STAT6: variants seen among roughly 807,000 people sequenced by gnomAD.
The protein encoded by STAT6 is signal transducer and activator of transcription 6.
In STAT6, 45 loss-of-function variants were observed where a neutral mutation model predicts 106.3. The ratio of observed to expected loss-of-function variants is 0.42; its 90% confidence interval spans 0.33 to 0.54. STAT6 has a LOEUF of 0.54. Among genes scored for constraint, STAT6 ranks in the 20% least tolerant of loss-of-function variants. STAT6 has a pLI of 0.06. For missense variants in STAT6, 797 were observed against 1,062.2 expected (o/e 0.75, Z 3.47); for synonymous variants, 413 against 413.6 (o/e 1.00, Z 0.02).
rs1248250873 is a variant in STAT6 at position 57,100,658 on chromosome 12, AAG to A, written c.1513-570_1513-569del. Among the ~76,000 whole-genome samples the A allele has an allele frequency of 6.6e-3, 397 of 59,720 alleles. 4 individuals are homozygous for A. The highest frequency in any genetic ancestry group is 0.023 in the African/African-American group (367 of 15,656). 39.2% of individuals were successfully genotyped at this position (59,720 alleles called of 152,430 possible). On this transcript the variant is annotated intron_variant, in intron 13 of 21. Transcript: ENST00000300134. ...AGAAAGAGAAAGAAAGAAAGAAAGA[AAG>A]AAAGAAAGAAAGAAAGAAAGAAAGA...
intron 13 of STAT6, among the ~76,000 whole-genome samples, chr12:57,102,010 T>C (rs557732375): frequency 6.6e-6 from 1 of 152,298 alleles, no homozygotes; most frequent in East Asian, 1.9e-4. Flanking sequence ...ATCAGAGCTC[T>C]GTTTACACAC....
Position 57,106,232 on chromosome 12 carries a change from A to G in STAT6, c.639T>C (p.Asn213=). ...CCAGGCTCTCCTCAAACGGTGCGCC[A>G]TTCCCTGCCAGCTGCTGCTGCCGTT... is the stretch of plus-strand genomic sequence containing the variant. ...IWKRQQQLAG[N]GAPFEESLAP... is the part of the protein sequence containing the mutation. The change falls in exon 7 of 22, where the codon AAT becomes AAC. Residue 213 remains asparagine, a synonymous_variant. Transcript: ENST00000300134. The G allele has an allele frequency of 1.2e-6, 2 of 1,614,172 alleles. No individual in the cohort carries two copies. The highest frequency in any genetic ancestry group is 1.7e-5 in the Admixed American group (1 of 60,022).
At chr12:57,109,138 C>G (rs969261482) in intron 1 of STAT6, among the ~76,000 whole-genome samples, 4 of 152,042 alleles carry the variant, frequency 2.6e-5, no homozygotes, top group Non-Finnish European at 4.4e-5. Context: ...GGGGGCGGAG[C>G]TTGCAGTGAG....
intron 13 of STAT6, among the ~76,000 whole-genome samples, chr12:57,101,329 C>T (rs1168147534): frequency 3.3e-5 from 5 of 150,918 alleles, no homozygotes; most frequent in South Asian, 2.1e-4. Flanking sequence ...CCTTGTGATC[C>T]GCCCGCCTCA....
Position 57,096,587 on chromosome 12 carries a change from G to T in STAT6, c.2529C>A (p.Ala843=), listed in dbSNP as rs56300761. The stretch of plus-strand genomic sequence containing the variant: ...CCAGCTGGGATCACCAACTGGGGTT[G>T]GCCCTTAGGTCCATGTGGGACATTG... ...GISMSHMDLR[A]NPSW Residue 843 remains alanine, a synonymous_variant, in exon 22 of 22, where the codon GCC becomes GCA. Coordinates refer to ENST00000300134, the MANE Select transcript of STAT6 (RefSeq NM_003153.5). 4.7e-5 allele frequency: 75 copies of T among 1,595,986 alleles called. No homozygotes were observed. In the East Asian group the frequency reaches 1.6e-3, roughly 35 times the overall value.
intron 13 of STAT6, chr12:57,100,807 G>T (rs917732724): frequency 9.1e-6 from 4 of 441,848 alleles, no homozygotes; most frequent in African/African-American, 6.1e-5. Flanking sequence ...AAGAGCAAGA[G>T]TCAGAAATAT....
Position 57,099,609 on chromosome 12 carries a change from T to C in STAT6, c.1744+158A>G, listed in dbSNP as rs1323758249. On this transcript the variant is annotated intron_variant, in intron 15 of 21. Transcript: ENST00000300134. This position sits in a 1 kb window ranked among gnomAD's most constrained non-coding sequence, Gnocchi z 4.7. Reference sequence around the variant, plus strand: ...GTCTCCGTTCCCACAGAGCTCACAGTGAGAAGGTGAACATTTAGACCACAG... The same window carrying C: ...GTCTCCGTTCCCACAGAGCTCACAGCGAGAAGGTGAACATTTAGACCACAG... 5.3e-5 allele frequency among the ~76,000 whole-genome samples: 8 copies of C among 151,824 alleles called. No homozygotes were observed. Among genetic ancestry groups the C allele is most frequent in the Non-Finnish European group, 1.0e-4 (7 of 67,960 alleles).
intron 18 of STAT6, 92 bp downstream of exon 18, chr12:57,098,700 T>C (rs1206374374): frequency 3.2e-6 from 5 of 1,558,556 alleles, no homozygotes; most frequent in Non-Finnish European, 4.4e-6. Flanking sequence ...AGATTCCCTG[T>C]TCAGCCCCCA....
chr12:57,096,824 G>C (rs748570794), intron 21 of STAT6, 26 bp downstream of exon 21: 2 of 1,613,928 alleles, frequency 1.2e-6, no homozygotes, highest in Admixed American at 3.3e-5. Flanking sequence ...ATGCCACCCA[G>C]CCTCCACTCC....
intron 13 of STAT6, chr12:57,100,700 GAGAAAGAAAGAAAGAA>G (rs56962899): frequency 0.073 from 4,674 of 63,686 alleles, 380 homozygotes; most frequent in South Asian, 0.13. Context: ...AAGAAAGAAA[GAGAAAGAAAGAAAGAA>G]AGAAAGAAAG....
intron 6 of STAT6, 41 bp downstream of exon 6, chr12:57,106,487 G>A: frequency 6.2e-7 from 1 of 1,612,562 alleles, no homozygotes; most frequent in Non-Finnish European, 8.5e-7. Flanking sequence ...CCCTCCAGCT[G>A]CACTTTGACC....
chr12:57,104,312 C>T, intron 11 of STAT6, 152 bp downstream of exon 11: 1 of 1,115,294 alleles, frequency 9.0e-7, no homozygotes, highest in East Asian at 2.6e-5. Flanking sequence ...CATGCTCTTG[C>T]TCACCCCCAC....
intron 11 of STAT6, 135 bp downstream of exon 11, chr12:57,104,329 G>C (rs1030603227): frequency 1.5e-6 from 2 of 1,306,936 alleles, no homozygotes; most frequent in Non-Finnish European, 2.1e-6. Context: ...CCACTCACCC[G>C]GGCCCCAGTG....
intron 4 of STAT6, 126 bp downstream of exon 4, chr12:57,107,105 C>T: frequency 8.8e-7 from 1 of 1,130,266 alleles, no homozygotes; most frequent in Non-Finnish European, 1.3e-6. Flanking sequence ...CTAGGAACCT[C>T]CTTTGGTCAT....
chr12:57,102,153 G>T, intron 13 of STAT6, 137 bp downstream of exon 13: 1 of 938,580 alleles, frequency 1.1e-6, no homozygotes, highest in East Asian at 2.4e-5. Flanking sequence ...CCTGGTCCAT[G>T]ACAGGCCTTC....
At chr12:57,106,123 A>G (rs1430382898) in intron 7 of STAT6, 68 bp downstream of exon 7, 1 of 1,602,338 alleles carries the variant, frequency 6.2e-7, no homozygotes, top group East Asian at 2.2e-5. Flanking sequence ...TCTCACCTGT[A>G]GGGCCTTCAG....
chr12:57,098,392 G>T, intron 19 of STAT6, 113 bp downstream of exon 19: 1 of 1,079,436 alleles, frequency 9.3e-7, no homozygotes, highest in Non-Finnish European at 1.4e-6. Flanking sequence ...CAGAAGAGAA[G>T]AAGACAGGCT....
chr12:57,100,731 AAAG>A (rs2033864043), intron 13 of STAT6: 298 of 228,810 alleles, frequency 1.3e-3, no homozygotes, highest in South Asian at 2.5e-3. Context: ...AGAAAGAAAG[AAAG>A]AAAGAAAGAA....
Position 57,105,612 on chromosome 12 carries a change from C to G in STAT6, c.681-13G>C. Reference sequence around the variant, plus strand: ...CAGGCTTTCACACCTGGGGCCAGGACAGTGGTCAGGGGGCACAGGATTAAG... The same window carrying G: ...CAGGCTTTCACACCTGGGGCCAGGAGAGTGGTCAGGGGGCACAGGATTAAG... On this transcript the variant is annotated splice_polypyrimidine_tract_variant and intron_variant, in intron 7 of 21. Transcript: ENST00000300134. 2 of 1,613,252 alleles carry G rather than the reference C, an allele frequency of 1.2e-6. No individual in the cohort carries two copies. Among genetic ancestry groups the G allele is most frequent in the Non-Finnish European group, 1.7e-6 (2 of 1,179,738 alleles).
Sources: allele counts gnomAD v4.1 joint callset (sites outside exome capture counted in the v4.1 genomes callset), GRCh38; gene constraint gnomAD v4.1.1; non-coding constraint Gnocchi (gnomAD v3.1); transcripts MANE v1.5; gene names NCBI Gene and HGNC (gene_info 2026-07-23, HGNC 2026-07-21).